The following CNTN5 variants were observed in gnomAD, a reference collection of about 807,000 sequenced individuals.
CNTN5 encodes contactin-5.
In CNTN5, 77 loss-of-function variants were observed where a neutral mutation model predicts 129.1. The observed-to-expected ratio is 0.60, with a 90% CI of 0.50 to 0.72. The LOEUF (loss-of-function observed/expected upper bound fraction) is 0.72. Ranked by LOEUF, CNTN5 falls within the 30% of genes least tolerant of loss-of-function variation. The pLI, the probability that CNTN5 is intolerant of heterozygous loss-of-function variation, is 0.00. For missense variants in CNTN5, 1,478 were observed against 1,328.8 expected (o/e 1.11, Z -1.75); for synonymous variants, 509 against 465.6 (o/e 1.09, Z -1.20).
At chr11:100,262,572 A>G (rs1189766916) in intron 17 of CNTN5, among the ~76,000 whole-genome samples, 3 of 152,256 alleles carry the variant, frequency 2.0e-5, no homozygotes, top group Non-Finnish European at 4.4e-5. Context: ...TGGATGAAGA[A>G]AATGTGGCAC....
chr11:100,190,303 T>C (rs1948440609), intron 13 of CNTN5, among the ~76,000 whole-genome samples: 1 of 152,032 alleles, frequency 6.6e-6, no homozygotes, highest in African/African-American at 2.4e-5. Flanking sequence ...GTTGCCGGAG[T>C]AGGTCGATGC....
chr11:99,713,760 A>G (rs1955101270), intron 3 of CNTN5, among the ~76,000 whole-genome samples: 3 of 151,984 alleles, frequency 2.0e-5, no homozygotes, highest in Non-Finnish European at 4.4e-5. Flanking sequence ...AACCTGGGGC[A>G]TTTTATTGTA....
At chr11:99,145,434 G>A (rs1053114700) in intron 1 of CNTN5, among the ~76,000 whole-genome samples, 33 of 151,738 alleles carry the variant, frequency 2.2e-4, no homozygotes, top group African/African-American at 7.3e-4. Context: ...CTTTGGTTTC[G>A]GTTGTGGGTG....
chr11:99,787,871 T>C (rs1945592065), intron 3 of CNTN5, among the ~76,000 whole-genome samples: 1 of 151,976 alleles, frequency 6.6e-6, no homozygotes, highest in East Asian at 1.9e-4. Context: ...TGCCAAAACA[T>C]GTAGCTAACC....
chr11:99,276,749 A>G (rs551418660), intron 1 of CNTN5, among the ~76,000 whole-genome samples: 14 of 151,504 alleles, frequency 9.2e-5, no homozygotes, highest in Non-Finnish European at 1.9e-4. Context: ...ATATATGTAT[A>G]CAAATATATA....
intron 2 of CNTN5, among the ~76,000 whole-genome samples, chr11:99,356,262 C>A (rs1298234373): frequency 2.0e-5 from 3 of 152,118 alleles, no homozygotes; most frequent in Non-Finnish European, 4.4e-5. Context: ...AAGTACACTT[C>A]TAGATCTCTA....
chr11:100,005,010 A>G (rs922451630), intron 9 of CNTN5, among the ~76,000 whole-genome samples: 1 of 152,130 alleles, frequency 6.6e-6, no homozygotes, highest in Non-Finnish European at 1.5e-5. Flanking sequence ...TCTGCAGGGA[A>G]CAAGAAGGTG....
At chr11:99,121,757 T>G (rs1056536599) in intron 1 of CNTN5, among the ~76,000 whole-genome samples, 2 of 152,286 alleles carry the variant, frequency 1.3e-5, no homozygotes, top group Admixed American at 6.5e-5. Context: ...TATTAATATC[T>G]AATGGTGGGT....
chr11:99,451,944 T>C (rs1944317239), intron 2 of CNTN5, among the ~76,000 whole-genome samples: 1 of 152,184 alleles, frequency 6.6e-6, no homozygotes, highest in Non-Finnish European at 1.5e-5. Context: ...TTAATTTCCT[T>C]CTAACCATTA....
chr11:99,031,768 T>C (rs1190732872), intron 1 of CNTN5, among the ~76,000 whole-genome samples: 1 of 152,126 alleles, frequency 6.6e-6, no homozygotes, highest in Non-Finnish European at 1.5e-5. Context: ...TTCTTTCTTT[T>C]TTTTTTTATT....
chr11:99,432,439 C>CTTTTCTTTTCTTTTCTTTT (rs1943412174), intron 2 of CNTN5, among the ~76,000 whole-genome samples: 128 of 113,268 alleles, frequency 1.1e-3, no homozygotes, highest in African/African-American at 3.7e-3. Context: ...CCTTTTCTTT[C>CTTTTCTTTTCTTTTCTTTT]CTTTTCTTTT....
intron 2 of CNTN5, among the ~76,000 whole-genome samples, chr11:99,329,234 A>G (rs1421806333): frequency 2.0e-5 from 3 of 152,220 alleles, no homozygotes; most frequent in African/African-American, 7.2e-5. Flanking sequence ...CAGATCATAT[A>G]GGCTTTCTAG....
chr11:99,622,931 C>T (rs1951001807), intron 3 of CNTN5, among the ~76,000 whole-genome samples: 1 of 152,048 alleles, frequency 6.6e-6, no homozygotes, highest in African/African-American at 2.4e-5. Flanking sequence ...GGACCCTACA[C>T]AGTCCTCTCG....
At chr11:100,338,216 C>G (rs1427981513) in intron 21 of CNTN5, among the ~76,000 whole-genome samples, 1 of 152,148 alleles carries the variant, frequency 6.6e-6, no homozygotes, top group Non-Finnish European at 1.5e-5. Context: ...TGCTTTCAGC[C>G]AGCACTGAGG....
intron 16 of CNTN5, among the ~76,000 whole-genome samples, chr11:100,243,766 A>T (rs1165016935): frequency 1.3e-5 from 2 of 152,168 alleles, no homozygotes; most frequent in Admixed American, 6.5e-5. Context: ...TCAATATCTC[A>T]GTTCATGACT....
At chr11:99,507,386 A>AAG (rs1946666333) in intron 2 of CNTN5, among the ~76,000 whole-genome samples, 1 of 151,264 alleles carries the variant, frequency 6.6e-6, no homozygotes, top group East Asian at 1.9e-4. Flanking sequence ...AAAAAAAAAA[A>AAG]AAAAAAAAAG....
At chr11:99,985,827 T>G (rs897204514) in intron 8 of CNTN5, among the ~76,000 whole-genome samples, 8 of 152,230 alleles carry the variant, frequency 5.3e-5, no homozygotes, top group African/African-American at 1.9e-4. Flanking sequence ...AGTCAATGTC[T>G]TGGTGATAAC....
At chr11:99,509,538 G>A (rs7942771) in intron 2 of CNTN5, among the ~76,000 whole-genome samples, 33,523 of 152,002 alleles carry the variant, frequency 0.22, 4,010 homozygotes, top group East Asian at 0.3. Flanking sequence ...AAATTTTAAA[G>A]CAGTCTTTTA....
intron 4 of CNTN5, among the ~76,000 whole-genome samples, chr11:99,842,272 A>G (rs753300016): frequency 2.6e-5 from 4 of 152,130 alleles, no homozygotes; most frequent in Admixed American, 6.6e-5. Flanking sequence ...ATTATTGCCA[A>G]TGGTGATTGT....
Sources: allele counts gnomAD v4.1 joint callset (sites outside exome capture counted in the v4.1 genomes callset), GRCh38; gene constraint gnomAD v4.1.1; transcripts MANE v1.5; gene names NCBI Gene and HGNC (gene_info 2026-07-23, HGNC 2026-07-21).